NUDCD1: variants seen among roughly 807,000 people sequenced by gnomAD.
The protein encoded by NUDCD1 is nudC domain-containing protein 1.
In NUDCD1, 60 loss-of-function variants were observed where a neutral mutation model predicts 67.8. The observed-to-expected ratio is 0.88, with a 90% CI of 0.72 to 1.10. The LOEUF (loss-of-function observed/expected upper bound fraction) is 1.10. Among genes scored for constraint, NUDCD1 ranks in the 50% least tolerant of loss-of-function variants. The pLI is 0.00. For synonymous variants in NUDCD1, 244 were observed against 230.8 expected, an observed-to-expected ratio of 1.06 and a Z score of -0.52; for missense variants, 643 against 695.0, an observed-to-expected ratio of 0.93 and a Z score of 0.84.
chr8:109,263,302 A>T (rs763384779), intron 8 of NUDCD1, among the ~76,000 whole-genome samples: 3 of 152,122 alleles, frequency 2.0e-5, no homozygotes, highest in Non-Finnish European at 4.4e-5. Flanking sequence ...TTATGACAAC[A>T]AGCAGTTAGA....
intron 8 of NUDCD1, among the ~76,000 whole-genome samples, 199 bp downstream of exon 8, chr8:109,270,806 A>G (rs1446104950): frequency 1.3e-5 from 2 of 152,190 alleles, no homozygotes; most frequent in East Asian, 3.8e-4. Context: ...CTTGAAAGAT[A>G]TCAATATACA....
At position 109,281,052 on chromosome 8, in the gene NUDCD1, A is replaced by G. The variant is rs1814425897; in HGVS notation, c.944T>C (p.Leu315Pro). The G allele has an allele frequency of 1.2e-6, 2 of 1,612,344 alleles. No homozygotes were observed. Among genetic ancestry groups the G allele is most frequent in the East Asian group, 2.2e-5 (1 of 44,802 alleles). Residue 315 changes from leucine to proline, a missense_variant, in exon 6 of 10, where the codon CTG becomes CCG. By Grantham distance (98) the Leu-to-Pro change is moderately conservative. Coordinates refer to ENST00000239690, the MANE Select transcript of NUDCD1 (RefSeq NM_032869.4). ...QFLPDHINIV[L>P]KDHQFLEGKL... ...TCCTTCTAAAAACTGGTGATCCTTC[A>G]GTACAATGTTGATGTGATCAGGCAA...
intron 2 of NUDCD1, among the ~76,000 whole-genome samples, chr8:109,317,950 T>G (rs1286783565): frequency 2.6e-5 from 4 of 152,214 alleles, no homozygotes; most frequent in African/African-American, 9.6e-5. Context: ...TACACTCATA[T>G]TAGCACCTAA....
intron 2 of NUDCD1, among the ~76,000 whole-genome samples, chr8:109,320,285 G>A (rs556280254): frequency 5.3e-5 from 8 of 152,174 alleles, no homozygotes; most frequent in Admixed American, 1.3e-4. Flanking sequence ...CTGCAGTCTC[G>A]ACCATAAGAG....
chr8:109,310,747 T>C (rs1440207653), intron 2 of NUDCD1, among the ~76,000 whole-genome samples: 1 of 146,738 alleles, frequency 6.8e-6, no homozygotes, highest in Non-Finnish European at 1.5e-5. Flanking sequence ...ATCCAGAATC[T>C]ACAACAGCAA....
intron 8 of NUDCD1, among the ~76,000 whole-genome samples, chr8:109,248,163 C>T (rs994609683): frequency 3.3e-5 from 5 of 152,208 alleles, no homozygotes; most frequent in African/African-American, 1.2e-4. Flanking sequence ...GGCCCGGCCA[C>T]AAGCCAAGTA....
intron 4 of NUDCD1, among the ~76,000 whole-genome samples, chr8:109,292,641 C>T (rs1425747591): frequency 6.6e-6 from 1 of 152,042 alleles, no homozygotes; most frequent in East Asian, 1.9e-4. Flanking sequence ...GAAACAAGCA[C>T]TCTCAGTACT....
intron 8 of NUDCD1, among the ~76,000 whole-genome samples, chr8:109,249,834 G>T (rs962538448): frequency 3.4e-5 from 5 of 146,634 alleles, no homozygotes; most frequent in African/African-American, 1.3e-4. Flanking sequence ...GATATATAAA[G>T]AATTGTTGAA....
intron 7 of NUDCD1, among the ~76,000 whole-genome samples, chr8:109,273,817 G>A (rs1814215164): frequency 6.6e-6 from 1 of 151,810 alleles, no homozygotes; most frequent in African/African-American, 2.4e-5. Context: ...ATTTTACAAG[G>A]TTATTATCCC....
intron 5 of NUDCD1, among the ~76,000 whole-genome samples, chr8:109,284,149 T>C (rs1452453499): frequency 6.6e-6 from 1 of 151,942 alleles, no homozygotes; most frequent in Non-Finnish European, 1.5e-5. Flanking sequence ...AATTCTTACC[T>C]CAGATAAAAC....
At chr8:109,299,300 G>T (rs1239716484) in intron 2 of NUDCD1, among the ~76,000 whole-genome samples, 1 of 152,126 alleles carries the variant, frequency 6.6e-6, no homozygotes, top group Non-Finnish European at 1.5e-5. Context: ...TCCACAGGCA[G>T]GCAAAGAAGG....
At chr8:109,326,485 A>G (rs1006458502) in intron 1 of NUDCD1, among the ~76,000 whole-genome samples, 4 of 152,208 alleles carry the variant, frequency 2.6e-5, no homozygotes, top group African/African-American at 9.7e-5. Context: ...CTCCCAAAAA[A>G]AGAAGTAGGG....
chr8:109,290,490 A>G (rs1042266627), intron 4 of NUDCD1, among the ~76,000 whole-genome samples: 3 of 152,108 alleles, frequency 2.0e-5, no homozygotes, highest in African/African-American at 7.2e-5. Context: ...GGAAACATGC[A>G]GTGTGGTCTA....
At position 109,281,023 on chromosome 8, in the gene NUDCD1, G is replaced by C. The variant is rs781319725; in HGVS notation, c.973C>G (p.Leu325Val). The stretch of plus-strand genomic sequence containing the variant: ...CTTTCATGATCAATAGATGAATAGA[G>C]TTTTCCTTCTAAAAACTGGTGATCC... ...LKDHQFLEGK[L>V]YSSIDHESST... The change falls in exon 6 of 10, where the codon CTC (leucine) becomes GTC (valine). Residue 325 changes from leucine to valine, a missense_variant. Leu to Val is a conservative substitution (Grantham distance 32). Transcript: ENST00000239690. The C allele has an allele frequency of 6.2e-7, 1 of 1,610,810 alleles. No individual in the cohort carries two copies. Among genetic ancestry groups the C allele is most frequent in the Non-Finnish European group, 8.5e-7 (1 of 1,177,260 alleles).
At position 109,284,007 on chromosome 8, in the gene NUDCD1, AC is replaced by A. The variant is rs370679357; in HGVS notation, c.824-2836del. ...GCTGGATTAAAAAAAAAAAAAAAAA[AC>A]AAAACAAAAACAAGGCCCATCGGCA... On this transcript the variant is annotated intron_variant, in intron 5 of 9. Coordinates refer to ENST00000239690, the MANE Select transcript of NUDCD1 (RefSeq NM_032869.4). 4.2e-3 allele frequency among the ~76,000 whole-genome samples: 600 copies of A among 142,508 alleles called. 2 individuals are homozygous for A. The highest frequency in any genetic ancestry group is 0.016 in the African/African-American group (522 of 33,502). The allele number at this position is 142,508 out of a possible 152,430, so 93.5% of individuals were successfully genotyped here.
chr8:109,322,594 A>G, intron 1 of NUDCD1, 131 bp from the exon 2 acceptor site: 2 of 588,186 alleles, frequency 3.4e-6, no homozygotes, highest in East Asian at 5.5e-5. Flanking sequence ...ACAATTCAGT[A>G]TATCATTCTT....
chr8:109,334,005 C>T lies in NUDCD1; in HGVS notation c.6G>A (p.Glu2=). ...CCCGTAGGGAGCAATTAGCCGCCAC[C>T]TCCATCGCTTTCCAGGGCCGCAGCG... is the stretch of plus-strand genomic sequence containing the variant. The part of the protein sequence containing the change: M[E]VAANCSLRVK... Residue 2 remains glutamate, a synonymous_variant, in exon 1 of 10, where the codon GAG becomes GAA. Transcript: ENST00000239690. 1 of 1,614,188 alleles carries T rather than the reference C, an allele frequency of 6.2e-7. No homozygotes were observed. The highest frequency in any genetic ancestry group is 1.1e-5 in the South Asian group (1 of 91,084).
At chr8:109,306,997 T>A (rs1403101359) in intron 2 of NUDCD1, among the ~76,000 whole-genome samples, 1 of 152,078 alleles carries the variant, frequency 6.6e-6, no homozygotes, top group Non-Finnish European at 1.5e-5. Flanking sequence ...CACCACTATT[T>A]TGTTTTGTTT....
intron 1 of NUDCD1, among the ~76,000 whole-genome samples, chr8:109,324,206 A>G (rs1815610284): frequency 6.6e-6 from 1 of 151,376 alleles, no homozygotes; most frequent in South Asian, 2.1e-4. Context: ...GTTGAAGCAA[A>G]AAAAAAAAAG....
Sources: allele counts gnomAD v4.1 joint callset (sites outside exome capture counted in the v4.1 genomes callset), GRCh38; gene constraint gnomAD v4.1.1; transcripts MANE v1.5; gene names NCBI Gene and HGNC (gene_info 2026-07-23, HGNC 2026-07-21).